Variants in ARHGAP31 observed in about 807,000 individuals in gnomAD.
ARHGAP31 encodes Rho GTPase activating protein 31.
Under a neutral mutation model 113.9 loss-of-function variants are expected in ARHGAP31, and 34 were observed. That is an observed-to-expected ratio of 0.30 (90% CI 0.23 to 0.40). ARHGAP31 has a LOEUF of 0.40. ARHGAP31 is among the 10% of genes least tolerant of loss of function. The pLI, the probability that ARHGAP31 is intolerant of heterozygous loss-of-function variation, is 1.00. For missense variants in ARHGAP31, 1,548 were observed against 1,767.1 expected (o/e 0.88, Z 2.22); for synonymous variants, 650 against 684.8 (o/e 0.95, Z 0.79).
chr3:119,307,670 A>T (rs1156793301), intron 1 of ARHGAP31, among the ~76,000 whole-genome samples: 1 of 152,104 alleles, frequency 6.6e-6, no homozygotes, highest in Non-Finnish European at 1.5e-5. Flanking sequence ...TCTAAAAATA[A>T]TTCTTCCTCC....
chr3:119,398,879 C>T (rs2080575129), intron 8 of ARHGAP31, among the ~76,000 whole-genome samples: 3 of 152,164 alleles, frequency 2.0e-5, no homozygotes, highest in Admixed American at 1.3e-4. Flanking sequence ...CTGGATTCAT[C>T]CTTGAATACT....
At chr3:119,353,982 A>G (rs1029320884) in intron 1 of ARHGAP31, among the ~76,000 whole-genome samples, 9 of 152,204 alleles carry the variant, frequency 5.9e-5, no homozygotes, top group Non-Finnish European at 1.0e-4. Context: ...CATTGACAGC[A>G]GAGACCTGAG....
chr3:119,356,713 C>T (rs1362950294), intron 1 of ARHGAP31, among the ~76,000 whole-genome samples: 4 of 152,060 alleles, frequency 2.6e-5, no homozygotes, highest in Admixed American at 2.6e-4. Context: ...TATCTGAGAC[C>T]ACTCTATGTC....
In ARHGAP31 at chr3:119,414,137, A is replaced by T; in HGVS notation, c.2208A>T (p.Arg736Ser). 1.2e-6 allele frequency: 2 copies of T among 1,614,196 alleles called. No homozygotes were observed. Among genetic ancestry groups the T allele is most frequent in the Non-Finnish European group, 1.7e-6 (2 of 1,180,028 alleles). The change falls in exon 12 of 12, where the codon AGA becomes AGT. Residue 736 changes from arginine to serine, a missense_variant. By Grantham distance (110) the Arg-to-Ser change is moderately radical. Coordinates refer to ENST00000264245, the MANE Select transcript of ARHGAP31 (RefSeq NM_020754.4). ...STQGASTAASREKPEPEQGLH... is the reference protein window; with the variant it reads ...STQGASTAASSEKPEPEQGLH... ...AGGGGGCTTCCACAGCAGCCAGCAG[A>T]GAGAAGCCGGAACCTGAGCAGGGCC...
chr3:119,297,606 A>G (rs2079544056), intron 1 of ARHGAP31, among the ~76,000 whole-genome samples: 1 of 152,224 alleles, frequency 6.6e-6, no homozygotes, highest in Admixed American at 6.5e-5. Flanking sequence ...AGGGAAGGAA[A>G]GCCTTGAGTT....
intron 1 of ARHGAP31, among the ~76,000 whole-genome samples, chr3:119,348,974 T>G (rs549569540): frequency 4.6e-5 from 7 of 152,280 alleles, no homozygotes; most frequent in African/African-American, 1.4e-4. Context: ...TGGTTCCCCA[T>G]AGGAGGCATT....
At chr3:119,399,362 TCA>T (rs2080580137) in intron 9 of ARHGAP31, 101 bp downstream of exon 9, 1 of 1,027,788 alleles carries the variant, frequency 9.7e-7, no homozygotes, top group Non-Finnish European at 1.5e-6. Context: ...ATAGTCACAG[TCA>T]CACACAACTA....
chr3:119,410,580 A>T (rs2080706844), intron 11 of ARHGAP31, among the ~76,000 whole-genome samples: 1 of 152,184 alleles, frequency 6.6e-6, no homozygotes, highest in Non-Finnish European at 1.5e-5. Context: ...GCATTTGTTG[A>T]AGGGGAAAGA....
At chr3:119,359,736 G>A (rs922457022) in intron 1 of ARHGAP31, among the ~76,000 whole-genome samples, 1 of 152,100 alleles carries the variant, frequency 6.6e-6, no homozygotes, top group Non-Finnish European at 1.5e-5. Context: ...TGGATTCTGG[G>A]GGGGAAACGC....
intron 8 of ARHGAP31, among the ~76,000 whole-genome samples, chr3:119,395,113 T>C (rs1364897285): frequency 1.3e-5 from 2 of 152,206 alleles, no homozygotes; most frequent in African/African-American, 4.8e-5. Flanking sequence ...TTGAAATTTT[T>C]AATAGAGATT....
intron 1 of ARHGAP31, among the ~76,000 whole-genome samples, chr3:119,322,157 C>A (rs2079793493): frequency 6.6e-6 from 1 of 152,108 alleles, no homozygotes; most frequent in Non-Finnish European, 1.5e-5. Context: ...TCAGAACTCT[C>A]TTGGTTGTGA....
rs1559999182 is a variant in ARHGAP31, at chr3:119,414,984, CCT to C, written c.3057_3058del (p.Pro1020GlnfsTer38). The C allele has an allele frequency of 6.2e-7, 1 of 1,614,054 alleles. No homozygotes were observed. The highest frequency in any genetic ancestry group is 1.3e-5 in the African/African-American group (1 of 74,920). On this transcript the variant is annotated frameshift_variant, in exon 12 of 12. Coordinates refer to ENST00000264245, the MANE Select transcript of ARHGAP31 (RefSeq NM_020754.4). LOFTEE classifies it high-confidence loss of function. Reference sequence around the variant, plus strand: ...CTCTGGCCTGAAAGGGGCAGAGGCTCCTCCCAACCAGAAGGGACCAAGTGGTG... The same window carrying C: ...CTCTGGCCTGAAAGGGGCAGAGGCTCCCCAACCAGAAGGGACCAAGTGGTG... Reference protein sequence around the residue: ...EFSGLKGAEAPPNQKGPSGVQ... With the variant: ...EFSGLKGAEAXPNQKGPSGVQ...
chr3:119,339,799 T>C (rs1300120171), intron 1 of ARHGAP31, among the ~76,000 whole-genome samples: 1 of 151,888 alleles, frequency 6.6e-6, no homozygotes, highest in African/African-American at 2.4e-5. Context: ...GACTTAAATA[T>C]AAAATGCAAG....
Position 119,414,949 on chromosome 3 carries a change from T to C in ARHGAP31, c.3020T>C (p.Phe1007Ser). Residue 1007 changes from phenylalanine to serine, a missense_variant, in exon 12 of 12, where the codon TTC becomes TCC. Phe to Ser is a radical substitution (Grantham distance 155, BLOSUM62 -2). Transcript: ENST00000264245. ...TGGGATGAGAAAGCCCTGAGGTCCTTCAGAGAGTTCTCTGGCCTGAAAGGG... is the reference window on the plus strand; with the variant it reads ...TGGGATGAGAAAGCCCTGAGGTCCTCCAGAGAGTTCTCTGGCCTGAAAGGG... ...TGWDEKALRS[F>S]REFSGLKGAE... 3 of 1,614,168 alleles carry C rather than the reference T, an allele frequency of 1.9e-6. No individual in the cohort carries two copies. The highest frequency in any genetic ancestry group is 2.5e-6 in the Non-Finnish European group (3 of 1,180,028).
chr3:119,347,281 G>A (rs1017032177), intron 1 of ARHGAP31, among the ~76,000 whole-genome samples: 2 of 152,202 alleles, frequency 1.3e-5, no homozygotes, highest in African/African-American at 4.8e-5. Flanking sequence ...TATAAACTGT[G>A]GCCAAGGGCA....
chr3:119,324,881 T>A (rs2079828344), intron 1 of ARHGAP31: 1 of 454,190 alleles, frequency 2.2e-6, no homozygotes, highest in African/African-American at 2.0e-5. Flanking sequence ...GGTCTCTTGG[T>A]CTCTCAGTTT....
At chr3:119,325,486 AG>A (rs1303123844) in intron 1 of ARHGAP31, among the ~76,000 whole-genome samples, 2 of 152,140 alleles carry the variant, frequency 1.3e-5, no homozygotes, top group African/African-American at 4.8e-5. Context: ...CTGGGTCGGG[AG>A]TCTGCCCTGG....
chr3:119,367,856 C>G (rs1481242057), intron 2 of ARHGAP31, among the ~76,000 whole-genome samples: 1 of 111,370 alleles, frequency 9.0e-6, no homozygotes, highest in Non-Finnish European at 1.8e-5. Context: ...GACTCCATCT[C>G]AAAAAAAAGA....
rs1313859319 is a variant in ARHGAP31 at position 119,415,812 on chromosome 3, T to A, written c.3883T>A (p.Ser1295Thr). 6.2e-7 allele frequency: 1 copy of A among 1,614,196 alleles called. No individual in the cohort carries two copies. The highest frequency in any genetic ancestry group is 8.5e-7 in the Non-Finnish European group (1 of 1,180,038). ...GPTLSPEPGS[S>T]NLLSTQDAVV... ...TACCCTTTCTCCAGAACCAGGCTCGTCTAACCTGCTCTCCACCCAGGATGC... is the reference window on the plus strand; with the variant it reads ...TACCCTTTCTCCAGAACCAGGCTCGACTAACCTGCTCTCCACCCAGGATGC... Residue 1295 changes from serine to threonine, a missense_variant, in exon 12 of 12, where the codon TCT (serine) becomes ACT (threonine). Transcript: ENST00000264245.
Sources: allele counts gnomAD v4.1 joint callset (sites outside exome capture counted in the v4.1 genomes callset), GRCh38; gene constraint gnomAD v4.1.1; transcripts MANE v1.5; gene names NCBI Gene and HGNC (gene_info 2026-07-23, HGNC 2026-07-21).